STAU2: variants seen among roughly 807,000 people sequenced by gnomAD.
STAU2 encodes the protein double-stranded RNA-binding protein Staufen homolog 2.
Under a neutral mutation model 65.9 loss-of-function variants are expected in STAU2, and 20 were observed. The observed-to-expected ratio is 0.30, with a 90% CI of 0.21 to 0.44. The LOEUF is 0.44. Among genes scored for constraint, STAU2 ranks in the 20% least tolerant of loss-of-function variants. The pLI is 1.00. For missense variants in STAU2, 558 were observed against 683.9 expected (o/e 0.82, Z 2.05); for synonymous variants, 232 against 233.9 (o/e 0.99, Z 0.07).
At chr8:73,475,516 A>G (rs1435702962) in intron 13 of STAU2, among the ~76,000 whole-genome samples, 1 of 152,202 alleles carries the variant, frequency 6.6e-6, no homozygotes, top group Non-Finnish European at 1.5e-5. Context: ...AGTGGATGCT[A>G]TTTTAGTAAT....
chr8:73,643,136 C>G (rs1291042383), intron 6 of STAU2, among the ~76,000 whole-genome samples: 3 of 152,150 alleles, frequency 2.0e-5, no homozygotes, highest in Non-Finnish European at 4.4e-5. Flanking sequence ...TCCATTCTTT[C>G]CCATCTCAGT....
rs769412184 is a variant in STAU2, at chr8:73,433,758, C to T, written c.1531-11056G>A. 8.0e-4 allele frequency among the ~76,000 whole-genome samples: 122 copies of T among 152,042 alleles called. 2 individuals are homozygous for T. Among genetic ancestry groups the T allele is most frequent in the South Asian group, 4.3e-3 (21 of 4,832 alleles). On this transcript the variant is annotated intron_variant, in intron 13 of 14. Coordinates refer to ENST00000524300, the MANE Select transcript of STAU2 (RefSeq NM_001164380.2). ...TCTCAAGCGATCCATCTGCCCCAGC[C>T]GCCCAAAGTGTTGGGATTACAGGCG...
rs556989646 is a variant in STAU2 at position 73,492,064 on chromosome 8, T to C, written c.1530+59948A>G. Among the ~76,000 whole-genome samples the C allele has an allele frequency of 1.9e-4, 29 of 151,004 alleles. 1 individual carries two copies. The highest frequency in any genetic ancestry group is 4.1e-4 in the Non-Finnish European group (28 of 67,608). ...ATTCCTTCCCCACACCACCAAGAAG[T>C]AGAGGTGGGGGCTGGGGTGAGAAAA... is the stretch of plus-strand genomic sequence containing the variant. On this transcript the variant is annotated intron_variant, in intron 13 of 14. Transcript: ENST00000524300.
intron 13 of STAU2, among the ~76,000 whole-genome samples, chr8:73,448,260 A>T (rs1353751778): frequency 6.6e-6 from 1 of 152,194 alleles, no homozygotes; most frequent in African/African-American, 2.4e-5. Flanking sequence ...GGAAGGAAGG[A>T]TATAAGATTT....
rs1261846207 is a variant in STAU2 at position 73,454,158 on chromosome 8, G to A, written c.1531-31456C>T. 2.0e-5 allele frequency among the ~76,000 whole-genome samples: 3 copies of A among 152,246 alleles called. No homozygotes were observed. In the East Asian group the frequency reaches 5.8e-4, roughly 29 times the overall value. ...TCTCAATAGAGCAAGCTGTAAAAAA[G>A]GAATTCCGTTCCCCAATCTAGCAGT... On this transcript the variant is annotated intron_variant, in intron 13 of 14. Coordinates refer to ENST00000524300, the MANE Select transcript of STAU2 (RefSeq NM_001164380.2).
At chr8:73,711,063 A>C (rs563452485) in intron 3 of STAU2, among the ~76,000 whole-genome samples, 2 of 150,176 alleles carry the variant, frequency 1.3e-5, no homozygotes, top group East Asian at 4.0e-4. Context: ...GAAGGAATCT[A>C]AGCAACCAAT....
At chr8:73,612,986 GCTTCT>G in intron 9 of STAU2, among the ~76,000 whole-genome samples, 1 of 152,162 alleles carries the variant, frequency 6.6e-6, no homozygotes, top group Non-Finnish European at 1.5e-5. Context: ...TATTTACCTT[GCTTCT>G]CTTATTAATG....
chr8:73,487,548 C>G (rs1820978733), intron 13 of STAU2, among the ~76,000 whole-genome samples: 1 of 152,044 alleles, frequency 6.6e-6, no homozygotes, highest in Admixed American at 6.6e-5. Flanking sequence ...GATAGGAGAT[C>G]TTCTGGTTTG....
At chr8:73,663,277 T>C (rs1816976608) in intron 6 of STAU2, among the ~76,000 whole-genome samples, 2 of 152,222 alleles carry the variant, frequency 1.3e-5, no homozygotes, top group South Asian at 2.1e-4. Context: ...TTCATCTAAA[T>C]GTCATGTGTT....
At chr8:73,604,275 C>G (rs1033765792) in intron 9 of STAU2, among the ~76,000 whole-genome samples, 2 of 152,132 alleles carry the variant, frequency 1.3e-5, no homozygotes, top group Non-Finnish European at 2.9e-5. Flanking sequence ...GTCGCCCAGG[C>G]TGGAGTGTGG....
chr8:73,550,644 G>T, intron 13 of STAU2: 1 of 980,486 alleles, frequency 1.0e-6, no homozygotes, highest in African/African-American at 1.7e-5. Flanking sequence ...TATAAATTGA[G>T]ATCTTTTTTA....
intron 9 of STAU2, among the ~76,000 whole-genome samples, chr8:73,607,729 C>T: frequency 6.8e-6 from 1 of 147,040 alleles, no homozygotes; most frequent in Non-Finnish European, 1.5e-5. Flanking sequence ...AAGAGCGAAA[C>T]TCCGTCTCAA....
intron 13 of STAU2, among the ~76,000 whole-genome samples, chr8:73,493,582 C>A (rs1010116785): frequency 6.6e-6 from 1 of 151,582 alleles, no homozygotes; most frequent in African/African-American, 2.4e-5. Flanking sequence ...AATGAGATAC[C>A]ATTACACACC....
intron 12 of STAU2, among the ~76,000 whole-genome samples, chr8:73,573,607 T>C (rs147311539): frequency 0.79 from 119,438 of 152,144 alleles, 47,275 homozygotes; most frequent in Admixed American, 0.83. Flanking sequence ...CACACATTTA[T>C]AACCATCTGA....
At chr8:73,743,676 T>G (rs1202804903) in intron 1 of STAU2, among the ~76,000 whole-genome samples, 1 of 151,574 alleles carries the variant, frequency 6.6e-6, no homozygotes, top group African/African-American at 2.4e-5. Context: ...TTTCTCCATG[T>G]TCGTCAGGCT....
At chr8:73,696,994 GAAAT>G (rs1164005620) in intron 4 of STAU2, among the ~76,000 whole-genome samples, 1 of 152,140 alleles carries the variant, frequency 6.6e-6, no homozygotes, top group Non-Finnish European at 1.5e-5. Context: ...CAGAAAAAAA[GAAAT>G]AAATAACATA....
chr8:73,557,060 T>C (rs1807842284), intron 12 of STAU2, among the ~76,000 whole-genome samples: 1 of 152,178 alleles, frequency 6.6e-6, no homozygotes, highest in Non-Finnish European at 1.5e-5. Context: ...AATTCTAACT[T>C]CTATACTCAA....
chr8:73,426,218 G>C (rs1294924365), intron 13 of STAU2, among the ~76,000 whole-genome samples: 1 of 151,744 alleles, frequency 6.6e-6, no homozygotes, highest in Non-Finnish European at 1.5e-5. Context: ...TCATGGGGTG[G>C]GTAACAATGT....
At chr8:73,734,793 C>CA (rs200231930) in intron 3 of STAU2, among the ~76,000 whole-genome samples, 86 of 145,590 alleles carry the variant, frequency 5.9e-4, no homozygotes, top group East Asian at 5.7e-3. Context: ...GACTCCATCT[C>CA]AAAAAATAAA....
Sources: allele counts gnomAD v4.1 joint callset (sites outside exome capture counted in the v4.1 genomes callset), GRCh38; gene constraint gnomAD v4.1.1; transcripts MANE v1.5; gene names NCBI Gene and HGNC (gene_info 2026-07-23, HGNC 2026-07-21).